CHRM3: variants seen among roughly 807,000 people sequenced by gnomAD.
The protein encoded by CHRM3 is muscarinic acetylcholine receptor M3.
In CHRM3, 11 loss-of-function variants were observed where a neutral mutation model predicts 41.8. The observed-to-expected ratio is 0.26, with a 90% CI of 0.17 to 0.44. CHRM3 has a LOEUF of 0.44. CHRM3 is among the 20% of genes least tolerant of loss of function. CHRM3 has a pLI of 1.00. For missense variants in CHRM3, 571 were observed against 745.4 expected (o/e 0.77, Z 2.72); for synonymous variants, 297 against 301.4 (o/e 0.99, Z 0.15).
intron 3 of CHRM3, among the ~76,000 whole-genome samples, chr1:239,627,882 T>C (rs1404949175): frequency 6.6e-6 from 1 of 151,074 alleles, no homozygotes; most frequent in Non-Finnish European, 1.5e-5. Context: ...GCTGTTAGTC[T>C]GATGGGCTTT....
At chr1:239,823,575 A>G (rs1308721856) in intron 5 of CHRM3, among the ~76,000 whole-genome samples, 1 of 152,110 alleles carries the variant, frequency 6.6e-6, no homozygotes, top group African/African-American at 2.4e-5. Context: ...TGAGAAGGAT[A>G]TATTACTGTC....
At chr1:239,904,336 C>T (rs1679806211) in intron 6 of CHRM3, among the ~76,000 whole-genome samples, 1 of 152,068 alleles carries the variant, frequency 6.6e-6, no homozygotes, top group African/African-American at 2.4e-5. Context: ...CGTATGGGGC[C>T]GAGAGCATTT....
intron 6 of CHRM3, among the ~76,000 whole-genome samples, chr1:239,862,410 G>A (rs188821041): frequency 6.6e-6 from 1 of 152,254 alleles, no homozygotes; most frequent in East Asian, 1.9e-4. Flanking sequence ...AGAGGTTTAT[G>A]TTCAAAGTAA....
rs375116152 is a variant in CHRM3, at chr1:239,847,285, C to T, written c.-20+19907C>T. On this transcript the variant is annotated intron_variant, in intron 6 of 6. Coordinates refer to ENST00000676153, the MANE Select transcript of CHRM3 (RefSeq NM_001375978.1). ...CCTTTCCACTACGTGGTTACGTGCA[C>T]AGCTGAAAATAGAGGATCTGTTTAT... is the stretch of plus-strand genomic sequence containing the variant. Among the ~76,000 whole-genome samples the T allele has an allele frequency of 3.1e-4, 47 of 152,228 alleles. No individual in the cohort carries two copies. In the South Asian group the frequency reaches 9.5e-3, roughly 31 times the overall value.
chr1:239,419,362 C>CT (rs55633677), intron 1 of CHRM3, among the ~76,000 whole-genome samples: 7,171 of 136,522 alleles, frequency 0.053, 223 homozygotes, highest in African/African-American at 0.077. Flanking sequence ...CCGACCCAGC[C>CT]TTTTTTTTTT....
chr1:239,406,788 A>C (rs1660628887), intron 1 of CHRM3, among the ~76,000 whole-genome samples: 1 of 152,224 alleles, frequency 6.6e-6, no homozygotes, highest in East Asian at 1.9e-4. Flanking sequence ...GATCATTATA[A>C]GGCAGCTAGG....
Position 239,404,413 on chromosome 1 carries a change from A to AAGAAAGAAAGAAG in CHRM3, c.-521+17186_-521+17187insAGAAAGAAAGAAG, listed in dbSNP as rs1558195765. Among the ~76,000 whole-genome samples, 111 of 48,648 alleles carry AAGAAAGAAAGAAG rather than the reference A, an allele frequency of 2.3e-3. 2 individuals carry two copies. The highest frequency in any genetic ancestry group is 8.1e-3 in the African/African-American group (104 of 12,768). 31.9% of individuals were successfully genotyped at this position (48,648 alleles called of 152,430 possible). On this transcript the variant is annotated intron_variant, in intron 1 of 6. Coordinates refer to ENST00000676153, the MANE Select transcript of CHRM3 (RefSeq NM_001375978.1). The stretch of plus-strand genomic sequence containing the variant: ...GAAAGAAAGAAAGAAAGAAAGAAAA[A>AAGAAAGAAAGAAG]GAAAGAAAGAAAGAAAGAAAGAAAG...
intron 6 of CHRM3, among the ~76,000 whole-genome samples, chr1:239,905,079 A>T (rs765789200): frequency 6.6e-6 from 1 of 152,206 alleles, no homozygotes; most frequent in Non-Finnish European, 1.5e-5. Flanking sequence ...TTGTCATACT[A>T]CTGTGAATGC....
chr1:239,491,710 A>G (rs966780097), intron 1 of CHRM3, among the ~76,000 whole-genome samples: 5 of 152,156 alleles, frequency 3.3e-5, no homozygotes, highest in African/African-American at 1.2e-4. Flanking sequence ...CCATAGTGGG[A>G]TTGCTGGATC....
At chr1:239,643,541 C>T (rs754971488) in intron 4 of CHRM3, among the ~76,000 whole-genome samples, 3 of 152,164 alleles carry the variant, frequency 2.0e-5, no homozygotes, top group Admixed American at 6.5e-5. Flanking sequence ...TAGTAATCAG[C>T]GAGACTCCGT....
Position 239,387,803 on chromosome 1 carries a change from G to T in CHRM3, c.-521+576G>T, listed in dbSNP as rs1658660413. Among the ~76,000 whole-genome samples, 2 of 152,276 alleles carry T rather than the reference G, an allele frequency of 1.3e-5. No homozygotes were observed. The highest frequency in any genetic ancestry group is 6.5e-5 in the Admixed American group (1 of 15,294). On this transcript the variant is annotated intron_variant, in intron 1 of 6. Coordinates refer to ENST00000676153, the MANE Select transcript of CHRM3 (RefSeq NM_001375978.1). The surrounding 1 kb of genome is among the most constrained non-coding windows in gnomAD (Gnocchi z 5.1). ...TTCAGGGGGCGAGAAGGCAAATTTG[G>T]CACTTCGAGTAACACTTGGGCGAAG... is the stretch of plus-strand genomic sequence containing the variant.
intron 3 of CHRM3, among the ~76,000 whole-genome samples, chr1:239,599,877 G>A (rs909829534): frequency 2.6e-4 from 39 of 152,046 alleles, no homozygotes; most frequent in African/African-American, 5.3e-4. Context: ...TACTGAATAC[G>A]TATCACTTTC....
intron 6 of CHRM3, among the ~76,000 whole-genome samples, chr1:239,853,418 C>T: frequency 6.6e-6 from 1 of 151,838 alleles, no homozygotes; most frequent in South Asian, 2.1e-4. Flanking sequence ...TCAATGCCAA[C>T]AGTTGTCAGT....
intron 1 of CHRM3, among the ~76,000 whole-genome samples, chr1:239,405,152 G>C (rs1271081511): frequency 6.6e-6 from 1 of 152,050 alleles, no homozygotes; most frequent in African/African-American, 2.4e-5. Flanking sequence ...ACTTTTTCAT[G>C]AATTTAATGT....
At chr1:239,568,017 T>A (rs1661507736) in intron 3 of CHRM3, among the ~76,000 whole-genome samples, 1 of 152,132 alleles carries the variant, frequency 6.6e-6, no homozygotes, top group Non-Finnish European at 1.5e-5. Context: ...TGGCAGCCTG[T>A]CAGACACTTC....
chr1:239,533,107 ATTCTGTCCC>A (rs1001635748), intron 2 of CHRM3, among the ~76,000 whole-genome samples: 1 of 152,152 alleles, frequency 6.6e-6, no homozygotes, highest in Non-Finnish European at 1.5e-5. Flanking sequence ...ACAGAAAAAC[ATTCTGTCCC>A]TTCTTTTCAT....
chr1:239,795,810 T>G (rs1465625966), intron 5 of CHRM3, among the ~76,000 whole-genome samples: 1 of 152,210 alleles, frequency 6.6e-6, no homozygotes, highest in Non-Finnish European at 1.5e-5. Context: ...GGAGAGATCA[T>G]GTTTTGAAAT....
In CHRM3 at chr1:239,769,072, C is replaced by CT. The variant is rs111370405; in HGVS notation, c.-146-58171dup. 1.5e-3 allele frequency among the ~76,000 whole-genome samples: 232 copies of CT among 151,082 alleles called. 2 individuals are homozygous for CT. The highest frequency in any genetic ancestry group is 2.8e-3 in the African/African-American group (114 of 41,308). On this transcript the variant is annotated intron_variant, in intron 5 of 6. Coordinates refer to ENST00000676153, the MANE Select transcript of CHRM3 (RefSeq NM_001375978.1). ...GAGCCACTGTGCCTGACCTAAGCGA[C>CT]TTTTTTTTTCTTCAGAATATGTTCT...
At chr1:239,813,239 C>T (rs1488311601) in intron 5 of CHRM3, among the ~76,000 whole-genome samples, 1 of 152,116 alleles carries the variant, frequency 6.6e-6, no homozygotes, top group Non-Finnish European at 1.5e-5. Context: ...CATTGTGCCA[C>T]CGCACTCCAG....
Sources: gnomAD v4.1 joint callset for allele counts (sites outside exome capture counted in the v4.1 genomes callset) on GRCh38, gnomAD v4.1.1 for gene constraint, Gnocchi (gnomAD v3.1) non-coding constraint, MANE v1.5 for transcripts, NCBI Gene and HGNC (gene_info 2026-07-23, HGNC 2026-07-21) for gene names.